Variants in CYP46A1 observed in about 807,000 individuals in gnomAD.
CYP46A1 encodes the protein cholesterol 24-hydroxylase.
In CYP46A1, 20 loss-of-function variants were observed where a neutral mutation model predicts 63.3. The ratio of observed to expected loss-of-function variants is 0.32; its 90% CI spans 0.22 to 0.46. The LOEUF (loss-of-function observed/expected upper bound fraction) is 0.46. CYP46A1 is among the 20% of genes least tolerant of loss of function. The pLI is 1.00. For synonymous variants in CYP46A1, 268 were observed against 273.6 expected (o/e 0.98, Z 0.20); for missense variants, 445 against 670.8 (o/e 0.66, Z 3.72).
At chr14:99,711,525 T>G (rs1384963017) in intron 7 of CYP46A1, 3 of 151,802 alleles carry the variant, frequency 2.0e-5, no homozygotes, top group African/African-American at 7.3e-5. Flanking sequence ...ATTGGAAAAC[T>G]TAAAAGAAAT....
intron 2 of CYP46A1, 56 bp from the exon 3 acceptor site, chr14:99,691,724 G>C: frequency 1.9e-6 from 3 of 1,544,428 alleles, no homozygotes; most frequent in Non-Finnish European, 2.7e-6. Flanking sequence ...GGCGGGGTTG[G>C]TGATGGTCAT....
chr14:99,688,477 A>G (rs1054517959), intron 1 of CYP46A1, among the ~76,000 whole-genome samples: 1 of 151,760 alleles, frequency 6.6e-6, no homozygotes, highest in African/African-American at 2.4e-5. Flanking sequence ...GCAGCTGCCC[A>G]CCTCCTGCCC....
intron 10 of CYP46A1, 106 bp downstream of exon 10, chr14:99,718,232 CT>C: frequency 1.1e-6 from 1 of 923,684 alleles, no homozygotes; most frequent in Non-Finnish European, 1.7e-6. Flanking sequence ...ACATGCCCTG[CT>C]TCCCCTGGGC....
intron 1 of CYP46A1, among the ~76,000 whole-genome samples, chr14:99,687,807 C>T (rs1696375876): frequency 6.6e-6 from 1 of 152,166 alleles, no homozygotes; most frequent in African/African-American, 2.4e-5. Flanking sequence ...GGCTGCTCTG[C>T]TGTGTCCAGT....
chr14:99,719,794 C>T (rs927576685), intron 10 of CYP46A1, among the ~76,000 whole-genome samples: 1 of 131,286 alleles, frequency 7.6e-6, no homozygotes, highest in Non-Finnish European at 1.6e-5. Context: ...CAGAGTCTCA[C>T]TCTGTCGCCC....
At position 99,700,051 on chromosome 14, in the gene CYP46A1, T is replaced by C; in HGVS notation, c.393T>C (p.Tyr131=). The stretch of plus-strand genomic sequence containing the variant: ...AAGGCTTGGTGTCCGAATGCAACTA[T>C]GAGCGCTGGCACAAGCAGCGGAGAG... ...FGQGLVSECN[Y]ERWHKQRRVI... Residue 131 remains tyrosine (Y), a synonymous_variant, in exon 5 of 15, where the codon TAT becomes TAC. Transcript: ENST00000261835. 1 of 1,577,304 alleles carries C rather than the reference T, an allele frequency of 6.3e-7. No homozygotes were observed. The highest frequency in any genetic ancestry group is 8.6e-7 in the Non-Finnish European group (1 of 1,159,094).
Position 99,710,899 on chromosome 14 carries a change from G to C in CYP46A1, c.693+3221G>C, listed in dbSNP as rs2056724180. On this transcript the variant is annotated intron_variant, in intron 7 of 14. Transcript: ENST00000261835. ...CATCAGCACATGAAAGATTCTCCAG[G>C]ATAGATCATATCTTAGGCCACAAAA... is the stretch of plus-strand genomic sequence containing the variant. The C allele has an allele frequency of 2.6e-5, 4 of 152,018 alleles. 1 individual carries two copies. In the South Asian group the frequency reaches 8.3e-4, roughly 32 times the overall value. 9.4% of individuals were successfully genotyped at this position (152,018 alleles called of 1,614,324 possible).
intron 1 of CYP46A1, among the ~76,000 whole-genome samples, chr14:99,687,403 T>C (rs1227524016): frequency 6.6e-6 from 1 of 152,200 alleles, no homozygotes; most frequent in African/African-American, 2.4e-5. Flanking sequence ...GCCCAGTTGC[T>C]GGGGTGGGGC....
intron 7 of CYP46A1, chr14:99,708,272 C>G (rs1004431087): frequency 5.3e-6 from 1 of 189,486 alleles, no homozygotes; most frequent in Non-Finnish European, 1.1e-5. Flanking sequence ...CACTGGCCCC[C>G]ACATGCATCA....
At chr14:99,717,916 G>A in intron 9 of CYP46A1, 138 bp from the exon 10 acceptor site, 1 of 643,976 alleles carries the variant, frequency 1.6e-6, no homozygotes. Flanking sequence ...GATGGTTCAA[G>A]GAAGGGGCTT....
intron 13 of CYP46A1, 42 bp from the exon 14 acceptor site, chr14:99,726,148 G>T (rs372888171): frequency 6.4e-7 from 1 of 1,561,022 alleles, no homozygotes. Flanking sequence ...CTGTGGGGAC[G>T]CCTGGGGCTG....
intron 1 of CYP46A1, among the ~76,000 whole-genome samples, chr14:99,687,619 CTGGGTGACTTCACTG>C (rs1291424211): frequency 2.0e-5 from 3 of 152,242 alleles, no homozygotes; most frequent in African/African-American, 7.2e-5. Context: ...CTTCATCCCT[CTGGGTGACTTCACTG>C]TGGGCTCTCC....
At chr14:99,702,081 A>AG (rs2056636326) in intron 5 of CYP46A1, among the ~76,000 whole-genome samples, 2 of 142,296 alleles carry the variant, frequency 1.4e-5, no homozygotes, top group Admixed American at 1.5e-4. Flanking sequence ...AAAAAAAAAA[A>AG]AAAAAAAAAA....
intron 1 of CYP46A1, among the ~76,000 whole-genome samples, chr14:99,690,185 G>A (rs2056531645): frequency 6.6e-6 from 1 of 152,194 alleles, no homozygotes; most frequent in South Asian, 2.1e-4. Flanking sequence ...ACCCATTTAT[G>A]CCTGAGGTTG....
In CYP46A1 at chr14:99,700,004, GTCTCCTACAGACTCTTC is replaced by G; in HGVS notation, c.357-10_363del. The G allele has an allele frequency of 6.5e-7, 1 of 1,543,496 alleles. No homozygotes were observed. ...ACCCTCTTTCCCGCATCACGTGTGTGTCTCCTACAGACTCTTCGGCCAAGGCTTGGTGTCCGAATGCA... is the reference window on the plus strand; with the variant it reads ...ACCCTCTTTCCCGCATCACGTGTGTGGGCCAAGGCTTGGTGTCCGAATGCA... On this transcript the variant is annotated splice_acceptor_variant and splice_polypyrimidine_tract_variant and coding_sequence_variant and intron_variant, in exon 5 of 15. Coordinates refer to ENST00000261835, the MANE Select transcript of CYP46A1 (RefSeq NM_006668.2). LOFTEE classifies it high-confidence loss of function.
chr14:99,721,140 T>A, intron 10 of CYP46A1, 99 bp from the exon 11 acceptor site: 1 of 818,384 alleles, frequency 1.2e-6, no homozygotes, highest in Non-Finnish European at 2.1e-6. Flanking sequence ...GCCCCATGCG[T>A]CTCTCTTCAC....
At chr14:99,726,479 G>A (rs1458691580) in intron 14 of CYP46A1, 78 bp from the exon 15 acceptor site, 5 of 1,383,802 alleles carry the variant, frequency 3.6e-6, no homozygotes, top group Non-Finnish European at 4.8e-6. Context: ...AGAGCCGGCT[G>A]TGACATTTGC....
rs545284746 is a variant in CYP46A1 at position 99,700,623 on chromosome 14, T to C, written c.443+522T>C. Among the ~76,000 whole-genome samples, 3 of 152,346 alleles carry C rather than the reference T, an allele frequency of 2.0e-5. No individual in the cohort carries two copies. In the South Asian group the frequency reaches 6.2e-4, roughly 32 times the overall value. On this transcript the variant is annotated intron_variant, in intron 5 of 14. Coordinates refer to ENST00000261835, the MANE Select transcript of CYP46A1 (RefSeq NM_006668.2). ...GTTACTCACATGTTTGTGGTGGTGC[T>C]GGTGTAAACAAACCTGCTGCACTGC...
At chr14:99,687,412 G>T (rs2056503859) in intron 1 of CYP46A1, among the ~76,000 whole-genome samples, 1 of 152,208 alleles carries the variant, frequency 6.6e-6, no homozygotes, top group Non-Finnish European at 1.5e-5. Flanking sequence ...CTGGGGTGGG[G>T]CTGTTCAGCA....
Sources: allele counts gnomAD v4.1 joint callset (sites outside exome capture counted in the v4.1 genomes callset), GRCh38; gene constraint gnomAD v4.1.1; transcripts MANE v1.5; gene names NCBI Gene and HGNC (gene_info 2026-07-23, HGNC 2026-07-21).